Variants in FLOT1 observed in about 807,000 individuals in gnomAD.
The protein encoded by FLOT1 is flotillin 1.
FLOT1 carries 40 observed loss-of-function variants against 58.4 expected under a neutral mutation model. The observed-to-expected ratio is 0.69, with a 90% CI of 0.53 to 0.89. The LOEUF is 0.89. Among genes scored for constraint, FLOT1 ranks in the 40% least tolerant of loss-of-function variants. The pLI is 0.00. For synonymous variants in FLOT1, 178 were observed against 204.2 expected (o/e 0.87, Z 1.09); for missense variants, 423 against 540.8 (o/e 0.78, Z 2.16).
At chr6:30,734,340 G>A (rs1234546658) in intron 8 of FLOT1, among the ~76,000 whole-genome samples, 3 of 144,178 alleles carry the variant, frequency 2.1e-5, no homozygotes, top group South Asian at 4.3e-4. Flanking sequence ...ATGGAGTCTC[G>A]CTCTGTCACC....
In FLOT1 at chr6:30,742,189, TG is replaced by T. The variant is rs1353657804; in HGVS notation, c.-1del. ...TCATTTGGGCCACAAGTGAAAAACATGGTTCAGGCTGGAGCTGGAGGAGAGG... is the reference window on the plus strand; with the variant it reads ...TCATTTGGGCCACAAGTGAAAAACATGTTCAGGCTGGAGCTGGAGGAGAGG... On this transcript the variant is annotated 5_prime_UTR_variant, in exon 2 of 13. Transcript: ENST00000376389. This position sits in a 1 kb window ranked among gnomAD's most constrained non-coding sequence, Gnocchi z 5.2. 3 of 1,612,698 alleles carry T rather than the reference TG, an allele frequency of 1.9e-6. No individual in the cohort carries two copies. In the African/African-American group the frequency reaches 4.0e-5, roughly 22 times the overall value.
intron 11 of FLOT1, 70 bp downstream of exon 11, chr6:30,730,358 C>G (rs902397184): frequency 3.3e-6 from 5 of 1,528,818 alleles, no homozygotes; most frequent in African/African-American, 1.4e-5. Flanking sequence ...CCCTAAGCCC[C>G]TCACTACACC....
rs779712470 is a variant in FLOT1 at position 30,742,216 on chromosome 6, G to C, written c.-14-13C>G. 1.2e-6 allele frequency: 2 copies of C among 1,612,456 alleles called. No individual in the cohort carries two copies. The highest frequency in any genetic ancestry group is 1.7e-6 in the Non-Finnish European group (2 of 1,179,604). ...GTTCAGGCTGGAGCTGGAGGAGAGGGAGGGAAAGCCTTTGCGGATGGGGAA... is the reference window on the plus strand; with the variant it reads ...GTTCAGGCTGGAGCTGGAGGAGAGGCAGGGAAAGCCTTTGCGGATGGGGAA... On this transcript the variant is annotated splice_polypyrimidine_tract_variant and intron_variant, in intron 1 of 12. Transcript: ENST00000376389. The surrounding 1 kb of genome is among the most constrained non-coding windows in gnomAD (Gnocchi z 5.2).
intron 11 of FLOT1, 61 bp downstream of exon 11, chr6:30,730,367 C>T: frequency 1.3e-6 from 2 of 1,533,662 alleles, no homozygotes; most frequent in African/African-American, 1.4e-5. Context: ...CCTCACTACA[C>T]CCCACCCCTT....
chr6:30,731,322 T>TA (rs1777177571), intron 8 of FLOT1, among the ~76,000 whole-genome samples: 1 of 151,776 alleles, frequency 6.6e-6, no homozygotes, highest in African/African-American at 2.4e-5. Flanking sequence ...CTGTCTCTAC[T>TA]AAAATACAAA....
rs1481121398 is a variant in FLOT1 at position 30,740,705 on chromosome 6, T to C, written c.448A>G (p.Thr150Ala). ...TGGTCATCGTGAATGTCCTTCAGAGTGTAGCTAACCACACTGATGCCCATG... is the reference window on the plus strand; with the variant it reads ...TGGTCATCGTGAATGTCCTTCAGAGCGTAGCTAACCACACTGATGCCCATG... ...VNMGISVVSY[T>A]LKDIHDDQDY... The change falls in exon 6 of 13, where the codon ACT becomes GCT. Residue 150 changes from threonine to alanine, a missense_variant. Thr to Ala is a moderately conservative substitution (Grantham distance 58). Around this residue, in one of 6 missense-constraint regions of FLOT1, gnomAD observed 137 missense variants for 194.6 expected, o/e 0.70. Coordinates refer to ENST00000376389, the MANE Select transcript of FLOT1 (RefSeq NM_005803.4). The C allele has an allele frequency of 4.3e-6, 7 of 1,612,926 alleles. No individual in the cohort carries two copies. The highest frequency in any genetic ancestry group is 5.9e-6 in the Non-Finnish European group (7 of 1,179,992).
intron 8 of FLOT1, among the ~76,000 whole-genome samples, chr6:30,731,978 CT>C (rs200820891): frequency 6.6e-6 from 1 of 151,200 alleles, no homozygotes; most frequent in African/African-American, 2.4e-5. Context: ...AGATTTCTTT[CT>C]TTTTTTTTGA....
In FLOT1 at chr6:30,741,893, C is replaced by G; in HGVS notation, c.44-26G>C. On this transcript the variant is annotated intron_variant, in intron 2 of 12. Transcript: ENST00000376389. The surrounding 1 kb of genome is among the most constrained non-coding windows in gnomAD (Gnocchi z 5.9). Reference sequence around the variant, plus strand: ...CTGCAAGGTGTGGGGCAGTGAGGAACGGTGGCAGAGCTTGAATGTGGAAGA... The same window carrying G: ...CTGCAAGGTGTGGGGCAGTGAGGAAGGGTGGCAGAGCTTGAATGTGGAAGA... 1 of 1,605,254 alleles carries G rather than the reference C, an allele frequency of 6.2e-7. No homozygotes were observed. Among genetic ancestry groups the G allele is most frequent in the Non-Finnish European group, 8.5e-7 (1 of 1,174,382 alleles).
At position 30,742,237 on chromosome 6, in the gene FLOT1, G is replaced by C; in HGVS notation, c.-14-34C>G. 1.3e-6 allele frequency: 2 copies of C among 1,593,224 alleles called. No individual in the cohort carries two copies. The highest frequency in any genetic ancestry group is 1.3e-5 in the African/African-American group (1 of 74,616). On this transcript the variant is annotated intron_variant, in intron 1 of 12. Transcript: ENST00000376389. The surrounding 1 kb of genome is among the most constrained non-coding windows in gnomAD (Gnocchi z 5.2). ...GAGGGAGGGAAAGCCTTTGCGGATG[G>C]GGAAGGCGCGCTGTGGCGTCCACAG... is the stretch of plus-strand genomic sequence containing the variant.
Position 30,737,900 on chromosome 6 carries a change from A to G in FLOT1, c.723+2258T>C, listed in dbSNP as rs1040114060. ...ACCTCCAAAATGGTGTCTAGCACAT[A>G]GAAGGCACTTAACAGATATTTGTTG... On this transcript the variant is annotated intron_variant, in intron 8 of 12. Transcript: ENST00000376389. This position sits in a 1 kb window ranked among gnomAD's most constrained non-coding sequence, Gnocchi z 4.4. Among the ~76,000 whole-genome samples, 1 of 152,226 alleles carries G rather than the reference A, an allele frequency of 6.6e-6. No individual in the cohort carries two copies. The highest frequency in any genetic ancestry group is 1.5e-5 in the Non-Finnish European group (1 of 68,030).
chr6:30,740,834 G>GTTTTTTT (rs34375360), intron 5 of FLOT1, 36 bp from the exon 6 acceptor site: 60 of 1,314,304 alleles, frequency 4.6e-5, no homozygotes, highest in South Asian at 1.6e-4. Context: ...AGGGATGTAA[G>GTTTTTTT]TTTTTTTTTT....
At chr6:30,734,645 G>C (rs966440880) in intron 8 of FLOT1, among the ~76,000 whole-genome samples, 3 of 151,994 alleles carry the variant, frequency 2.0e-5, no homozygotes, top group Non-Finnish European at 2.9e-5. Context: ...TTACTTCCCT[G>C]CTTCTTTCTG....
chr6:30,741,144 C>T lies in FLOT1; in HGVS notation c.354+46G>A, dbSNP rs749891560. On this transcript the variant is annotated intron_variant, in intron 5 of 12. Coordinates refer to ENST00000376389, the MANE Select transcript of FLOT1 (RefSeq NM_005803.4). The surrounding 1 kb of genome is among the most constrained non-coding windows in gnomAD (Gnocchi z 5.9). ...CAGACTAGTGTGGGCCTTGGGCCCC[C>T]CTCATTTTGACATCCTTCCAGATGG... is the stretch of plus-strand genomic sequence containing the variant. 2.5e-6 allele frequency: 4 copies of T among 1,605,962 alleles called. No homozygotes were observed. Among genetic ancestry groups the T allele is most frequent in the East Asian group, 4.5e-5 (2 of 44,836 alleles).
At chr6:30,731,485 CAA>C (rs35667527) in intron 8 of FLOT1, among the ~76,000 whole-genome samples, 57 of 83,756 alleles carry the variant, frequency 6.8e-4, no homozygotes, top group Middle Eastern at 0.014. Context: ...ACTCCATCTC[CAA>C]AAAAAAAAAA....
Position 30,740,314 on chromosome 6 carries a change from T to G in FLOT1, c.571-4A>C, listed in dbSNP as rs1219002711. 24 of 1,612,808 alleles carry G rather than the reference T, an allele frequency of 1.5e-5. No homozygotes were observed. The highest frequency in any genetic ancestry group is 1.9e-5 in the Non-Finnish European group (23 of 1,179,976). ...TTTCCTGCTTGGCTTTAGCTTCCTG[T>G]CCAAGCAGAGATCAGGTAGGAAATG... On this transcript the variant is annotated splice_region_variant and splice_polypyrimidine_tract_variant and intron_variant, in intron 7 of 12. Coordinates refer to ENST00000376389, the MANE Select transcript of FLOT1 (RefSeq NM_005803.4).
In FLOT1 at chr6:30,737,211, TCCGTCCGTCCGTCC is replaced by T. The variant is rs1777636833; in HGVS notation, c.723+2933_723+2946del. 1.3e-5 allele frequency among the ~76,000 whole-genome samples: 1 copy of T among 76,176 alleles called. No individual in the cohort carries two copies. Among genetic ancestry groups the T allele is most frequent in the African/African-American group, 4.6e-5 (1 of 21,744 alleles). 50.0% of individuals were successfully genotyped at this position (76,176 alleles called of 152,430 possible). A position where few individuals can be genotyped will look rare whatever the true frequency, so the allele number is the denominator to read the frequency against. ...TGACTGACTGACTGACTGTCTGTCG[TCCGTCCGTCCGTCC>T]GTCCGTCCGTCCGTCCGTCCGTCCA... On this transcript the variant is annotated intron_variant, in intron 8 of 12. Coordinates refer to ENST00000376389, the MANE Select transcript of FLOT1 (RefSeq NM_005803.4). The surrounding 1 kb of genome is among the most constrained non-coding windows in gnomAD (Gnocchi z 4.4).
intron 5 of FLOT1, 144 bp from the exon 6 acceptor site, chr6:30,740,942 A>T: frequency 8.0e-7 from 1 of 1,254,664 alleles, no homozygotes; most frequent in Non-Finnish European, 1.1e-6. Flanking sequence ...ACCCATCACC[A>T]TACCCAGCTA....
chr6:30,729,248 T>C (rs1201669285), intron 12 of FLOT1, among the ~76,000 whole-genome samples: 2 of 151,730 alleles, frequency 1.3e-5, no homozygotes, highest in African/African-American at 4.8e-5. Context: ...CTAATTTTTT[T>C]TTGTATTTTT....
At position 30,737,113 on chromosome 6, in the gene FLOT1, A is replaced by C. The variant is rs1777619017; in HGVS notation, c.723+3045T>G. ...AGCACACCAGCGCCCCCAGATCAGA[A>C]ACCTCCTTTCTGACTCCACCTCACA... On this transcript the variant is annotated intron_variant, in intron 8 of 12. Transcript: ENST00000376389. This position sits in a 1 kb window ranked among gnomAD's most constrained non-coding sequence, Gnocchi z 4.4. Among the ~76,000 whole-genome samples the C allele has an allele frequency of 6.6e-6, 1 of 151,682 alleles. No individual in the cohort carries two copies. Among genetic ancestry groups the C allele is most frequent in the Non-Finnish European group, 1.5e-5 (1 of 67,940 alleles).
Sources: gnomAD v4.1 joint callset for allele counts (sites outside exome capture counted in the v4.1 genomes callset) on GRCh38, gnomAD v4.1.1 for gene constraint, gnomAD v4.1.1 regional missense constraint, Gnocchi (gnomAD v3.1) non-coding constraint, MANE v1.5 for transcripts, NCBI Gene and HGNC (gene_info 2026-07-23, HGNC 2026-07-21) for gene names.